PCSK2: variants seen among roughly 807,000 people sequenced by gnomAD.
PCSK2 encodes the protein neuroendocrine convertase 2.
In PCSK2, 14 loss-of-function variants were observed where a neutral mutation model predicts 69.7. The ratio of observed to expected loss-of-function variants is 0.20; its 90% CI spans 0.13 to 0.31. The LOEUF (loss-of-function observed/expected upper bound fraction) is 0.31. Among genes scored for constraint, PCSK2 ranks in the 10% least tolerant of loss-of-function variants. The pLI, the probability that PCSK2 is intolerant of heterozygous loss-of-function variation, is 1.00. For synonymous variants in PCSK2, 307 were observed against 320.7 expected, an observed-to-expected ratio of 0.96 and a Z score of 0.46; for missense variants, 544 against 842.5, an observed-to-expected ratio of 0.65 and a Z score of 4.39.
Position 17,267,642 on chromosome 20 carries a change from GGTTTTTTTCTAGATGCT to G in PCSK2, c.282+7314_282+7330del, listed in dbSNP as rs1168300532. Reference sequence around the variant, plus strand: ...GGGAAAGCTGCTAATGAGTAAGCCTGGTTTTTTTCTAGATGCTGTTTTTTTCTAGATGTTCATTTTTA... The same window carrying G: ...GGGAAAGCTGCTAATGAGTAAGCCTGGTTTTTTTCTAGATGTTCATTTTTA... On this transcript the variant is annotated intron_variant, in intron 2 of 11. Coordinates refer to ENST00000262545, the MANE Select transcript of PCSK2 (RefSeq NM_002594.5). 1.8e-4 allele frequency among the ~76,000 whole-genome samples: 28 copies of G among 152,188 alleles called. No individual in the cohort carries two copies. The South Asian group carries it at 2.1e-3, about 11-fold the overall frequency.
At chr20:17,266,342 A>G (rs1987600494) in intron 2 of PCSK2, among the ~76,000 whole-genome samples, 1 of 152,174 alleles carries the variant, frequency 6.6e-6, no homozygotes, top group African/African-American at 2.4e-5. Context: ...TACTTTTGAT[A>G]CAAAATATTT....
intron 11 of PCSK2, 32 bp from the exon 12 acceptor site, chr20:17,481,552 C>CT (rs752037540): frequency 6.3e-7 from 1 of 1,599,924 alleles, no homozygotes; most frequent in Non-Finnish European, 8.5e-7. Context: ...CCCACCACTG[C>CT]TTATCCTATC....
chr20:17,374,186 A>C (rs190266800), intron 5 of PCSK2, among the ~76,000 whole-genome samples: 1 of 152,326 alleles, frequency 6.6e-6, no homozygotes, highest in African/African-American at 2.4e-5. Flanking sequence ...AATAAGACAC[A>C]GGCACTCTCT....
At chr20:17,412,073 G>T (rs1187201611) in intron 6 of PCSK2, among the ~76,000 whole-genome samples, 1 of 152,200 alleles carries the variant, frequency 6.6e-6, no homozygotes, top group Admixed American at 6.5e-5. Context: ...AATATGGGGA[G>T]AAACCAGAGC....
intron 2 of PCSK2, among the ~76,000 whole-genome samples, chr20:17,343,823 C>G (rs538893986): frequency 6.6e-6 from 1 of 152,156 alleles, no homozygotes; most frequent in Admixed American, 6.5e-5. Context: ...AATGAGGAAG[C>G]CTCCAGAAGC....
rs2032867673 is a variant in PCSK2 at position 17,453,671 on chromosome 20, GC to G, written c.886-70del. The G allele has an allele frequency of 1.3e-6, 2 of 1,570,444 alleles. No individual in the cohort carries two copies. The highest frequency in any genetic ancestry group is 4.5e-5 in the East Asian group (2 of 44,414). ...ACTGCTGAAGAAGCCCAACCCCTGG[GC>G]TGGAGACCTCCCCTGCCCCCTCGCA... is the stretch of plus-strand genomic sequence containing the variant. On this transcript the variant is annotated intron_variant, in intron 8 of 11. Coordinates refer to ENST00000262545, the MANE Select transcript of PCSK2 (RefSeq NM_002594.5). This position sits in a 1 kb window ranked among gnomAD's most constrained non-coding sequence, Gnocchi z 4.0.
intron 2 of PCSK2, among the ~76,000 whole-genome samples, chr20:17,331,305 G>A (rs927071582): frequency 2.6e-5 from 4 of 152,072 alleles, no homozygotes; most frequent in Admixed American, 6.6e-5. Flanking sequence ...AAATAACCCC[G>A]TACAGTTTAC....
rs529498911 is a variant in PCSK2, at chr20:17,234,379, CA to C, written c.177+6899del. Among the ~76,000 whole-genome samples the C allele has an allele frequency of 7.9e-5, 12 of 152,290 alleles. No homozygotes were observed. The East Asian group carries it at 2.3e-3, about 29-fold the overall frequency. On this transcript the variant is annotated intron_variant, in intron 1 of 11. Transcript: ENST00000262545. ...CTTGACTATGACTACAGTTGGACCACAAGGTGGTGATTTGTCCATAATCTCA... is the reference window on the plus strand; with the variant it reads ...CTTGACTATGACTACAGTTGGACCACAGGTGGTGATTTGTCCATAATCTCA...
chr20:17,331,760 G>A (rs2424072), intron 2 of PCSK2, among the ~76,000 whole-genome samples: 106,697 of 148,292 alleles, frequency 0.72, 37,867 homozygotes, highest in East Asian at 0.91. Context: ...CCATCATCTC[G>A]TGTGATTAAA....
At chr20:17,264,556 G>C (rs1987518533) in intron 2 of PCSK2, among the ~76,000 whole-genome samples, 1 of 152,102 alleles carries the variant, frequency 6.6e-6, no homozygotes, top group Non-Finnish European at 1.5e-5. Flanking sequence ...TCTGTTTTTG[G>C]TCTTTAAGGG....
intron 2 of PCSK2, among the ~76,000 whole-genome samples, chr20:17,340,538 A>G (rs962969513): frequency 6.6e-6 from 1 of 151,604 alleles, no homozygotes; most frequent in Non-Finnish European, 1.5e-5. Context: ...GTTCCTTTTT[A>G]CCTTTTGTAT....
At chr20:17,264,448 T>C (rs1600424220) in intron 2 of PCSK2, among the ~76,000 whole-genome samples, 1 of 152,202 alleles carries the variant, frequency 6.6e-6, no homozygotes, top group South Asian at 2.1e-4. Flanking sequence ...TTCCTTTGTG[T>C]TCTATATTTA....
At chr20:17,475,001 C>T (rs1370920190) in intron 11 of PCSK2, among the ~76,000 whole-genome samples, 3 of 151,798 alleles carry the variant, frequency 2.0e-5, no homozygotes, top group Admixed American at 6.6e-5. Context: ...TTGGGTTGCT[C>T]GGAAGCAGAG....
At chr20:17,251,863 G>C (rs993382201) in intron 1 of PCSK2, among the ~76,000 whole-genome samples, 1 of 152,170 alleles carries the variant, frequency 6.6e-6, no homozygotes, top group Non-Finnish European at 1.5e-5. Flanking sequence ...GGTATGGCTG[G>C]AGTTGGAATC....
At chr20:17,244,481 G>C (rs1196734009) in intron 1 of PCSK2, among the ~76,000 whole-genome samples, 2 of 152,238 alleles carry the variant, frequency 1.3e-5, no homozygotes. Context: ...ATGTCAACTA[G>C]AAATACCTGG....
At chr20:17,326,708 T>A (rs1335553317) in intron 2 of PCSK2, among the ~76,000 whole-genome samples, 1 of 152,250 alleles carries the variant, frequency 6.6e-6, no homozygotes, top group Non-Finnish European at 1.5e-5. Flanking sequence ...TTGTCTAGAC[T>A]CAACAAGTTC....
intron 2 of PCSK2, among the ~76,000 whole-genome samples, chr20:17,326,227 G>A (rs957716858): frequency 7.2e-5 from 11 of 152,208 alleles, no homozygotes; most frequent in Admixed American, 5.9e-4. Context: ...GAAGCATTTA[G>A]AGAAGCAAAC....
intron 2 of PCSK2, among the ~76,000 whole-genome samples, chr20:17,324,102 T>C (rs1284576405): frequency 6.6e-6 from 1 of 152,244 alleles, no homozygotes; most frequent in African/African-American, 2.4e-5. Flanking sequence ...CCAATGGGAT[T>C]GACACCTAGT....
At chr20:17,415,884 G>T (rs2123314983) in intron 6 of PCSK2, among the ~76,000 whole-genome samples, 1 of 152,160 alleles carries the variant, frequency 6.6e-6, no homozygotes, top group Middle Eastern at 3.4e-3. Context: ...ATCTACAACT[G>T]CCTGATCTTT....
Sources: allele counts gnomAD v4.1 joint callset (sites outside exome capture counted in the v4.1 genomes callset), GRCh38; gene constraint gnomAD v4.1.1; non-coding constraint Gnocchi (gnomAD v3.1); transcripts MANE v1.5; gene names NCBI Gene and HGNC (gene_info 2026-07-23, HGNC 2026-07-21).